MAP7: variants seen among roughly 807,000 people sequenced by gnomAD.
MAP7 encodes ensconsin.
Under a neutral mutation model 94.8 loss-of-function variants are expected in MAP7, and 52 were observed. The ratio of observed to expected loss-of-function variants is 0.55; its 90% CI spans 0.44 to 0.69. The LOEUF (loss-of-function observed/expected upper bound fraction) is 0.69, where lower values mean the gene tolerates loss of function less well. Ranked by LOEUF, MAP7 falls within the 30% of genes least tolerant of loss-of-function variation. MAP7 has a pLI of 0.00. For synonymous variants in MAP7, 350 were observed against 357.0 expected (o/e 0.98, Z 0.22); for missense variants, 940 against 964.6 (o/e 0.97, Z 0.34).
At chr6:136,512,481 G>C (rs1168254540) in intron 1 of MAP7, among the ~76,000 whole-genome samples, 2 of 152,154 alleles carry the variant, frequency 1.3e-5, no homozygotes, top group African/African-American at 4.8e-5. Flanking sequence ...ATGTAATGAA[G>C]ATTTAGGAAG....
At chr6:136,549,911 T>G (rs1223272548) in intron 1 of MAP7, among the ~76,000 whole-genome samples, 4 of 151,310 alleles carry the variant, frequency 2.6e-5, no homozygotes, top group Non-Finnish European at 5.9e-5. Flanking sequence ...CGGGAGGAGG[T>G]GCCCAGAAAC....
intron 1 of MAP7, among the ~76,000 whole-genome samples, chr6:136,434,084 ATCGCTGAGCTCAGGAGT>A (rs1344447111): frequency 1.3e-5 from 2 of 152,074 alleles, no homozygotes; most frequent in African/African-American, 4.8e-5. Context: ...GGGCGAGTGG[ATCGCTGAGCTCAGGAGT>A]TCGAGACCAG....
chr6:136,396,327 TG>T (rs1449082381), intron 3 of MAP7, among the ~76,000 whole-genome samples: 4 of 152,126 alleles, frequency 2.6e-5, no homozygotes, highest in African/African-American at 9.7e-5. Context: ...CTACCGTAAA[TG>T]GGATTGCTTT....
chr6:136,357,411 A>G (rs4640907), intron 15 of MAP7, among the ~76,000 whole-genome samples: 127,455 of 151,672 alleles, frequency 0.84, 53,636 homozygotes, highest in Admixed American at 0.88. Context: ...TATATAGGCC[A>G]GAGTTTCAGA....
At chr6:136,542,770 T>C (rs1259803510) in intron 1 of MAP7, among the ~76,000 whole-genome samples, 1 of 152,006 alleles carries the variant, frequency 6.6e-6, no homozygotes, top group Non-Finnish European at 1.5e-5. Flanking sequence ...AGAATAAAGA[T>C]ATTAGAGTCA....
intron 1 of MAP7, chr6:136,525,928 G>A (rs1827698560): frequency 6.5e-7 from 1 of 1,533,606 alleles, no homozygotes; most frequent in Non-Finnish European, 8.7e-7. Context: ...GTCTTCTTCA[G>A]TCTCTCATGT....
intron 3 of MAP7, among the ~76,000 whole-genome samples, chr6:136,407,101 T>C (rs1414837886): frequency 3.3e-5 from 5 of 152,248 alleles, no homozygotes; most frequent in Admixed American, 3.3e-4. Context: ...GCCTGGCCCA[T>C]AGTTAGTGCT....
intron 1 of MAP7, among the ~76,000 whole-genome samples, chr6:136,541,818 G>A (rs1298092965): frequency 6.6e-6 from 1 of 152,196 alleles, no homozygotes; most frequent in Non-Finnish European, 1.5e-5. Flanking sequence ...CAGCACTTTA[G>A]GAGGCTGAGT....
At chr6:136,396,515 T>C (rs1782543335) in intron 3 of MAP7, among the ~76,000 whole-genome samples, 1 of 152,190 alleles carries the variant, frequency 6.6e-6, no homozygotes, top group Admixed American at 6.5e-5. Flanking sequence ...ACAATTTTAC[T>C]TCCTCCTTTC....
At chr6:136,430,789 C>T (rs1467404841) in intron 1 of MAP7, among the ~76,000 whole-genome samples, 3 of 152,144 alleles carry the variant, frequency 2.0e-5, no homozygotes, top group African/African-American at 7.2e-5. Context: ...GAACACCAGC[C>T]TCATCATCTT....
At chr6:136,483,630 T>G (rs774456580) in intron 1 of MAP7, among the ~76,000 whole-genome samples, 1 of 152,040 alleles carries the variant, frequency 6.6e-6, no homozygotes, top group Non-Finnish European at 1.5e-5. Flanking sequence ...CACAGGAACA[T>G]TAGTTAAAAT....
rs367653018 is a variant in MAP7 at position 136,424,162 on chromosome 6, C to T, written c.68-2363G>A. On this transcript the variant is annotated intron_variant, in intron 1 of 17. Coordinates refer to ENST00000354570, the MANE Select transcript of MAP7 (RefSeq NM_003980.6). ...TCACTACTTAAGAACACAATGACAA[C>T]AGGAATTTATTCATTTTCTGATTTC... Among the ~76,000 whole-genome samples, 76 of 151,920 alleles carry T rather than the reference C, an allele frequency of 5.0e-4. 1 individual carries two copies. The South Asian group carries it at 8.5e-3, about 17-fold the overall frequency.
At chr6:136,536,814 T>A (rs1490400502) in intron 1 of MAP7, among the ~76,000 whole-genome samples, 1 of 152,258 alleles carries the variant, frequency 6.6e-6, no homozygotes. Context: ...TGAATGAACA[T>A]GTTTCCAGAT....
intron 6 of MAP7, among the ~76,000 whole-genome samples, chr6:136,383,469 C>T (rs1362720131): frequency 6.6e-6 from 1 of 152,194 alleles, no homozygotes; most frequent in African/African-American, 2.4e-5. Flanking sequence ...AATCACTCAG[C>T]CAAGTTCTAA....
intron 5 of MAP7, among the ~76,000 whole-genome samples, chr6:136,384,687 C>CCCCTGTTGCCCAGGTTCTCATTACAGCCT (rs1778722743): frequency 6.6e-6 from 1 of 151,970 alleles, no homozygotes; most frequent in Non-Finnish European, 1.5e-5. Flanking sequence ...GTTCTCATTA[C>CCCCTGTTGCCCAGGTTCTCATTACAGCCT]GTTGCCCAGG....
chr6:136,387,618 C>T (rs1359651263), intron 5 of MAP7, among the ~76,000 whole-genome samples: 1 of 152,042 alleles, frequency 6.6e-6, no homozygotes, highest in Non-Finnish European at 1.5e-5. Flanking sequence ...GATGTCTGTA[C>T]CAGCTTTTCT....
intron 3 of MAP7, among the ~76,000 whole-genome samples, chr6:136,396,234 A>G (rs1319370768): frequency 6.6e-6 from 1 of 152,020 alleles, no homozygotes; most frequent in Non-Finnish European, 1.5e-5. Flanking sequence ...AATTTTTTTC[A>G]TCAGTGTTTT....
rs368041365 is a variant in MAP7, at chr6:136,362,399, T to G, written c.1526+51A>C. The stretch of plus-strand genomic sequence containing the variant: ...CCTCCCTCTCAGAGGGGTGATGAGT[T>G]AATCCAAAGTATCACTGACACCATG... On this transcript the variant is annotated intron_variant, in intron 11 of 17. Transcript: ENST00000354570. 1.4e-5 allele frequency: 23 copies of G among 1,596,664 alleles called. No individual in the cohort carries two copies. In the African/African-American group the frequency reaches 2.9e-4, roughly 20 times the overall value.
intron 1 of MAP7, among the ~76,000 whole-genome samples, chr6:136,542,113 G>A (rs1829373322): frequency 6.6e-6 from 1 of 152,048 alleles, no homozygotes; most frequent in Non-Finnish European, 1.5e-5. Context: ...AAATCTTACA[G>A]ATCTTTTTCA....
Sources: allele counts gnomAD v4.1 joint callset (sites outside exome capture counted in the v4.1 genomes callset), GRCh38; gene constraint gnomAD v4.1.1; transcripts MANE v1.5; gene names NCBI Gene and HGNC (gene_info 2026-07-23, HGNC 2026-07-21).